HSD17B11: variants seen among roughly 807,000 people sequenced by gnomAD.
HSD17B11 encodes the protein estradiol 17-beta-dehydrogenase 11.
HSD17B11 carries 22 observed loss-of-function variants against 27.8 expected under a neutral mutation model. That is an observed-to-expected ratio of 0.79 (90% CI 0.56 to 1.13). The LOEUF (loss-of-function observed/expected upper bound fraction) is 1.13. Ranked by LOEUF, HSD17B11 falls within the 50% of genes most tolerant of loss-of-function variation. The pLI is 0.00. For missense variants in HSD17B11, 314 were observed against 351.1 expected, an observed-to-expected ratio of 0.89 and a Z score of 0.84; for synonymous variants, 117 against 132.8, an observed-to-expected ratio of 0.88 and a Z score of 0.82.
intron 3 of HSD17B11, among the ~76,000 whole-genome samples, chr4:87,373,795 A>G (rs1273106717): frequency 7.1e-6 from 1 of 141,692 alleles, no homozygotes. Context: ...GAATATTAGC[A>G]TAAAATAACA....
At chr4:87,343,994 T>C (rs1231673512) in intron 5 of HSD17B11, among the ~76,000 whole-genome samples, 1 of 152,196 alleles carries the variant, frequency 6.6e-6, no homozygotes, top group Non-Finnish European at 1.5e-5. Flanking sequence ...ATTTCCACAG[T>C]GTAAATATTC....
intron 6 of HSD17B11, among the ~76,000 whole-genome samples, chr4:87,339,367 C>T (rs941183609): frequency 2.0e-5 from 3 of 152,224 alleles, no homozygotes; most frequent in African/African-American, 7.2e-5. Flanking sequence ...GAGTTTTTTG[C>T]TCTTCGCATC....
rs1403179777 is a variant in HSD17B11, at chr4:87,336,597, G to C, written c.*679C>G. The C allele has an allele frequency of 6.6e-6, 1 of 152,144 alleles. No homozygotes were observed. The highest frequency in any genetic ancestry group is 6.5e-5 in the Admixed American group (1 of 15,270). 9.4% of individuals were successfully genotyped at this position (152,144 alleles called of 1,614,324 possible). A position where few individuals can be genotyped will look rare whatever the true frequency, so the allele number is the denominator to read the frequency against. Reference sequence around the variant, plus strand: ...ATGTTCTGTTTAAGACAAAAAGATGGAAACACCAAAAGTTTAAGTGTGATC... The same window carrying C: ...ATGTTCTGTTTAAGACAAAAAGATGCAAACACCAAAAGTTTAAGTGTGATC... On this transcript the variant is annotated 3_prime_UTR_variant, in exon 7 of 7. Coordinates refer to ENST00000358290, the MANE Select transcript of HSD17B11 (RefSeq NM_016245.5).
intron 5 of HSD17B11, 78 bp downstream of exon 5, chr4:87,357,201 A>G (rs929618513): frequency 1.0e-5 from 15 of 1,446,996 alleles, no homozygotes; most frequent in Non-Finnish European, 1.3e-5. Context: ...TTTCAGGATT[A>G]AAACATTTAG....
chr4:87,357,992 T>C (rs866296010), intron 4 of HSD17B11, among the ~76,000 whole-genome samples: 14 of 126,512 alleles, frequency 1.1e-4, no homozygotes, highest in East Asian at 3.0e-4. Context: ...GACAGAGTCT[T>C]GCTCTGTCAC....
At position 87,381,620 on chromosome 4, in the gene HSD17B11, G is replaced by A. The variant is rs187175535; in HGVS notation, c.318+635C>T. 9.6e-4 allele frequency among the ~76,000 whole-genome samples: 145 copies of A among 151,680 alleles called. 1 individual carries two copies. Among genetic ancestry groups the A allele is most frequent in the African/African-American group, 3.3e-3 (137 of 41,340 alleles). ...CCAAAAATACAAAAAATTAGCTGGC[G>A]TGGTGGCACACACCTGTGGTCCCAG... On this transcript the variant is annotated intron_variant, in intron 2 of 6. Coordinates refer to ENST00000358290, the MANE Select transcript of HSD17B11 (RefSeq NM_016245.5).
rs761995787 is a variant in HSD17B11, at chr4:87,382,402, T to G, written c.211-40A>C. ...AAAGAGGGCAAGGTAATAATTGATA[T>G]GAACATATTATATCGACAGCTGAAA... On this transcript the variant is annotated intron_variant, in intron 1 of 6. Coordinates refer to ENST00000358290, the MANE Select transcript of HSD17B11 (RefSeq NM_016245.5). 4 of 1,179,458 alleles carry G rather than the reference T, an allele frequency of 3.4e-6. No individual in the cohort carries two copies. The Admixed American group carries it at 5.6e-5, about 17-fold the overall frequency. The allele number at this position is 1,179,458 out of a possible 1,614,324, so 73.1% of individuals were successfully genotyped here. A position where few individuals can be genotyped will look rare whatever the true frequency, so the allele number is the denominator to read the frequency against.
intron 2 of HSD17B11, among the ~76,000 whole-genome samples, chr4:87,379,894 A>T (rs557743967): frequency 1.7e-4 from 25 of 145,030 alleles, no homozygotes; most frequent in African/African-American, 5.9e-4. Flanking sequence ...TATACAGCAC[A>T]TCTCATATAT....
chr4:87,386,169 G>C (rs1442262127), intron 1 of HSD17B11, among the ~76,000 whole-genome samples: 1 of 150,788 alleles, frequency 6.6e-6, no homozygotes, highest in Non-Finnish European at 1.5e-5. Context: ...CCTCATTTAG[G>C]TTGGTCTGCT....
chr4:87,388,173 A>AAAAAAC (rs1553960928), intron 1 of HSD17B11, among the ~76,000 whole-genome samples: 22 of 151,870 alleles, frequency 1.4e-4, no homozygotes, highest in Non-Finnish European at 2.5e-4. Flanking sequence ...CACCAAAAAA[A>AAAAAAC]AAAAAAACAA....
intron 2 of HSD17B11, among the ~76,000 whole-genome samples, chr4:87,378,857 A>C (rs56376233): frequency 5.2e-5 from 1 of 19,232 alleles, no homozygotes; most frequent in South Asian, 9.2e-4. Context: ...TATATATATA[A>C]ATATATATAA....
chr4:87,372,712 T>C lies in HSD17B11; in HGVS notation c.554A>G (p.Tyr185Cys). ...GHVSVPFLLA[Y>C]CSSKFAAVGF... Reference sequence around the variant, plus strand: ...AAGGAAACACATGTTCACATACCAGTAAGCCAGTAAGAAGGGGACCGAGAC... The same window carrying C: ...AAGGAAACACATGTTCACATACCAGCAAGCCAGTAAGAAGGGGACCGAGAC... Residue 185 changes from tyrosine (Y) to cysteine (C), a missense_variant, in exon 4 of 7, where the codon TAC becomes TGC. Transcript: ENST00000358290. 2.5e-6 allele frequency: 4 copies of C among 1,590,686 alleles called. No individual in the cohort carries two copies. The highest frequency in any genetic ancestry group is 3.5e-6 in the Non-Finnish European group (4 of 1,158,782).
chr4:87,388,009 C>T (rs1018462979), intron 1 of HSD17B11, among the ~76,000 whole-genome samples: 3 of 152,072 alleles, frequency 2.0e-5, no homozygotes, highest in Non-Finnish European at 4.4e-5. Flanking sequence ...ATAGGAATTA[C>T]CCTCAAAACC....
At position 87,380,484 on chromosome 4, in the gene HSD17B11, A is replaced by AAAG. The variant is rs1553960403; in HGVS notation, c.318+1770_318+1771insCTT. Among the ~76,000 whole-genome samples, 280 of 138,686 alleles carry AAAG rather than the reference A, an allele frequency of 2.0e-3. 13 individuals are homozygous for AAAG. The highest frequency in any genetic ancestry group is 6.3e-3 in the African/African-American group (238 of 38,076). The allele number at this position is 138,686 out of a possible 152,430, so 91.0% of individuals were successfully genotyped here. ...CAAGACTGTCTCAAAAAAAAAAAAA[A>AAAG]AAAAGAAAAAAGAAAAGAAAAGAGA... On this transcript the variant is annotated intron_variant, in intron 2 of 6. Coordinates refer to ENST00000358290, the MANE Select transcript of HSD17B11 (RefSeq NM_016245.5).
intron 1 of HSD17B11, 86 bp downstream of exon 1, chr4:87,390,775 A>T: frequency 8.8e-7 from 1 of 1,141,958 alleles, no homozygotes; most frequent in Non-Finnish European, 1.3e-6. Context: ...CTTTGCAGAG[A>T]TGAGGTAAAG....
intron 4 of HSD17B11, among the ~76,000 whole-genome samples, chr4:87,363,732 G>T (rs565686583): frequency 1.3e-5 from 2 of 152,214 alleles, no homozygotes; most frequent in Non-Finnish European, 2.9e-5. Context: ...TCTGAGAAAA[G>T]AAATAGACAC....
chr4:87,378,845 A>T (rs58901166), intron 2 of HSD17B11, among the ~76,000 whole-genome samples: 18 of 18,126 alleles, frequency 9.9e-4, no homozygotes, highest in East Asian at 2.9e-3. Flanking sequence ...TATATATATA[A>T]ATATATATAT....
At chr4:87,380,470 CAAAA>C (rs759061081) in intron 2 of HSD17B11, among the ~76,000 whole-genome samples, 1 of 39,066 alleles carries the variant, frequency 2.6e-5, no homozygotes, top group Non-Finnish European at 5.2e-5. Context: ...AAGACTGTCT[CAAAA>C]AAAAAAAAAA....
chr4:87,368,281 C>A (rs1735644756), intron 4 of HSD17B11, among the ~76,000 whole-genome samples: 1 of 152,148 alleles, frequency 6.6e-6, no homozygotes, highest in East Asian at 1.9e-4. Flanking sequence ...CGCACCACTG[C>A]ACTCCAGCCT....
Sources: allele counts gnomAD v4.1 joint callset (sites outside exome capture counted in the v4.1 genomes callset), GRCh38; gene constraint gnomAD v4.1.1; transcripts MANE v1.5; gene names NCBI Gene and HGNC (gene_info 2026-07-23, HGNC 2026-07-21).